Variants in BBS9 observed in about 807,000 individuals in gnomAD.
The protein encoded by BBS9 is Bardet-Biedl syndrome 9, also known as protein PTHB1.
A neutral mutation model predicts 117.7 loss-of-function variants in BBS9; 89 were observed. That is an observed-to-expected ratio of 0.76 (90% CI 0.64 to 0.90). The LOEUF is 0.90. Ranked by LOEUF, BBS9 falls within the 40% of genes least tolerant of loss-of-function variation. The pLI is 0.00. For synonymous variants in BBS9, 379 were observed against 370.9 expected, an observed-to-expected ratio of 1.02 and a Z score of -0.25; for missense variants, 982 against 1,042.2, an observed-to-expected ratio of 0.94 and a Z score of 0.80.
intron 5 of BBS9, among the ~76,000 whole-genome samples, chr7:33,231,428 C>CT (rs35407590): frequency 0.035 from 3,694 of 106,330 alleles, 262 homozygotes; most frequent in African/African-American, 0.11. Flanking sequence ...GCCTATGTGT[C>CT]TTTTTTTTTT....
chr7:33,304,425 C>A (rs1197656195), intron 9 of BBS9, among the ~76,000 whole-genome samples: 1 of 151,176 alleles, frequency 6.6e-6, no homozygotes, highest in South Asian at 2.1e-4. Context: ...CCAGCCGCCA[C>A]CCCGCCTAGG....
chr7:33,634,336 C>T (rs1414086664), intron 21 of BBS9, among the ~76,000 whole-genome samples: 1 of 152,206 alleles, frequency 6.6e-6, no homozygotes, highest in East Asian at 1.9e-4. Context: ...CTTGTTTGGA[C>T]TCTGCAGTGG....
intron 9 of BBS9, among the ~76,000 whole-genome samples, chr7:33,291,712 C>T (rs1397211809): frequency 1.3e-5 from 2 of 152,098 alleles, no homozygotes; most frequent in Non-Finnish European, 2.9e-5. Flanking sequence ...CCCATAGAAA[C>T]CCAGTGAATT....
At chr7:33,410,188 A>T (rs1457692368) in intron 19 of BBS9, among the ~76,000 whole-genome samples, 1 of 152,194 alleles carries the variant, frequency 6.6e-6, no homozygotes, top group East Asian at 1.9e-4. Context: ...TCAGAGAAAA[A>T]TGTGTGTTAA....
At chr7:33,367,083 C>T (rs1821918086) in intron 16 of BBS9, among the ~76,000 whole-genome samples, 1 of 152,128 alleles carries the variant, frequency 6.6e-6, no homozygotes, top group Non-Finnish European at 1.5e-5. Context: ...TTGTTTCTTT[C>T]ACACTTTCTT....
At chr7:33,501,131 C>G (rs1186991241) in intron 19 of BBS9, among the ~76,000 whole-genome samples, 2 of 152,188 alleles carry the variant, frequency 1.3e-5, no homozygotes, top group Non-Finnish European at 2.9e-5. Flanking sequence ...AATTTAAGTC[C>G]TAGCAGCTGG....
chr7:33,434,263 T>A (rs1184979661), intron 19 of BBS9, among the ~76,000 whole-genome samples: 2 of 151,170 alleles, frequency 1.3e-5, no homozygotes, highest in Non-Finnish European at 2.9e-5. Flanking sequence ...CACTGAATTC[T>A]AATTTCCTGT....
At chr7:33,606,736 C>A (rs1021577416), downstream of BBS9, among the ~76,000 whole-genome samples, 2 of 152,096 alleles carry the variant, frequency 1.3e-5, no homozygotes, top group African/African-American at 2.4e-5. Flanking sequence ...CATTTTGAAT[C>A]AATTATCTCC....
chr7:33,411,015 T>G, intron 19 of BBS9, among the ~76,000 whole-genome samples: 1 of 141,012 alleles, frequency 7.1e-6, no homozygotes, highest in African/African-American at 3.0e-5. Flanking sequence ...GTTGGTGTTT[T>G]TTTTTTTTTT....
At chr7:33,546,934 ATTC>A (rs1209590243) in intron 21 of BBS9, among the ~76,000 whole-genome samples, 2 of 152,168 alleles carry the variant, frequency 1.3e-5, no homozygotes, top group Non-Finnish European at 2.9e-5. Context: ...ATTGTATTCT[ATTC>A]TTCTTTATGA....
At chr7:33,523,029 C>G (rs1482356720) in intron 20 of BBS9, among the ~76,000 whole-genome samples, 1 of 149,588 alleles carries the variant, frequency 6.7e-6, no homozygotes, top group Non-Finnish European at 1.5e-5. Flanking sequence ...GCTTGTTTTT[C>G]TCAGGTTTGT....
chr7:33,629,424 A>G lies in BBS9; in HGVS notation c.2522-5753A>G, dbSNP rs76602925. 9.3e-4 allele frequency among the ~76,000 whole-genome samples: 141 copies of G among 152,172 alleles called. No individual in the cohort carries two copies. In the East Asian group the frequency reaches 0.022, roughly 24 times the overall value. On this transcript the variant is annotated intron_variant, in intron 21 of 21. Transcript: ENST00000671952. ...ATTCTAAGTGACAGTGGAAAGGGCA[A>G]AGGGACTCAGGGATAGACTTGGGTG...
chr7:33,231,178 C>G (rs951546588), intron 5 of BBS9, among the ~76,000 whole-genome samples: 1 of 150,724 alleles, frequency 6.6e-6, no homozygotes, highest in Non-Finnish European at 1.5e-5. Context: ...TTCTGTCACC[C>G]TTTTTTTTTG....
At chr7:33,354,891 A>T (rs1186748539) in intron 15 of BBS9, among the ~76,000 whole-genome samples, 3 of 152,070 alleles carry the variant, frequency 2.0e-5, no homozygotes, top group Admixed American at 1.3e-4. Flanking sequence ...TAGGAAGGGA[A>T]ATGTTTGAAG....
At chr7:33,524,492 C>T (rs1017050126) in intron 20 of BBS9, among the ~76,000 whole-genome samples, 14 of 152,242 alleles carry the variant, frequency 9.2e-5, no homozygotes, top group Middle Eastern at 3.4e-3. Context: ...GTGTATGTGT[C>T]GAGGAATTTA....
intron 19 of BBS9, among the ~76,000 whole-genome samples, chr7:33,444,815 C>T (rs562582267): frequency 6.6e-6 from 1 of 152,262 alleles, no homozygotes; most frequent in East Asian, 1.9e-4. Flanking sequence ...AGGACATGCC[C>T]AGTATAATCT....
At position 33,379,815 on chromosome 7, in the gene BBS9, G is replaced by A. The variant is rs1000008458; in HGVS notation, c.1790-3851G>A. 2.0e-5 allele frequency: 3 copies of A among 151,978 alleles called. No individual in the cohort carries two copies. In the South Asian group the frequency reaches 6.2e-4, roughly 31 times the overall value. The allele number at this position is 151,978 out of a possible 1,614,324, so 9.4% of individuals were successfully genotyped here. A position where few individuals can be genotyped will look rare whatever the true frequency, so the allele number is the denominator to read the frequency against. On this transcript the variant is annotated intron_variant, in intron 17 of 22. Coordinates refer to ENST00000242067, the MANE Select transcript of BBS9 (RefSeq NM_198428.3). ...CATTGTTTTAAGTGTTTTATTTAAA[G>A]GTACATATACGTGAAAGGAAATGAG...
chr7:33,248,737 T>A (rs1229494845), intron 5 of BBS9, among the ~76,000 whole-genome samples: 1 of 152,026 alleles, frequency 6.6e-6, no homozygotes, highest in Non-Finnish European at 1.5e-5. Flanking sequence ...CAATAACAAA[T>A]TTTTTTTCCG....
chr7:33,515,375 C>T (rs1295599903), intron 20 of BBS9, among the ~76,000 whole-genome samples: 1 of 152,094 alleles, frequency 6.6e-6, no homozygotes, highest in Non-Finnish European at 1.5e-5. Context: ...TGTGTTTTTC[C>T]ATGTAGCATT....
Sources: gnomAD v4.1 joint callset for allele counts (sites outside exome capture counted in the v4.1 genomes callset) on GRCh38, gnomAD v4.1.1 for gene constraint, MANE v1.5 for transcripts, NCBI Gene and HGNC (gene_info 2026-07-23, HGNC 2026-07-21) for gene names.